The following MKRN1 variants were observed in gnomAD, a reference collection of about 807,000 sequenced individuals.
MKRN1 encodes the protein makorin ring finger protein 1, also known as E3 ubiquitin-protein ligase makorin-1.
Under a neutral mutation model 55.5 loss-of-function variants are expected in MKRN1, and 9 were observed. The observed-to-expected ratio is 0.16, with a 90% CI of 0.10 to 0.28. The LOEUF is 0.28. MKRN1 is among the 10% of genes least tolerant of loss of function. MKRN1 has a pLI of 1.00. For synonymous variants in MKRN1, 253 were observed against 235.9 expected (o/e 1.07, Z -0.66); for missense variants, 488 against 626.7 (o/e 0.78, Z 2.36).
chr7:140,474,008 A>C (rs1475679734), intron 1 of MKRN1, among the ~76,000 whole-genome samples: 6 of 21,956 alleles, frequency 2.7e-4, no homozygotes, highest in African/African-American at 1.9e-3. Context: ...AAAAAAAAAA[A>C]GAAAGAAAGA....
At chr7:140,476,363 T>A (rs1009995630) in intron 1 of MKRN1, among the ~76,000 whole-genome samples, 7 of 150,230 alleles carry the variant, frequency 4.7e-5, no homozygotes, top group African/African-American at 1.7e-4. Flanking sequence ...TCCCACCTAC[T>A]CAGGAGGCTG....
intron 2 of MKRN1, among the ~76,000 whole-genome samples, chr7:140,467,990 G>A (rs751283056): frequency 6.3e-4 from 72 of 114,066 alleles, no homozygotes; most frequent in Middle Eastern, 6.6e-3. Context: ...CAACAAGAGC[G>A]AAATTCTGTC....
Position 140,455,873 on chromosome 7 carries a change from A to G in MKRN1, c.1014T>C (p.Ser338=), listed in dbSNP as rs747126783. 5 of 1,613,998 alleles carry G rather than the reference A, an allele frequency of 3.1e-6. No individual in the cohort carries two copies. Among genetic ancestry groups the G allele is most frequent in the South Asian group, 1.1e-5 (1 of 91,090 alleles). Reference sequence around the variant, plus strand: ...AGTACTCACTTGGAATGACAAAGTTAGATGTGATCCGGCATTCTGGGCAGG... The same window carrying G: ...AGTACTCACTTGGAATGACAAAGTTGGATGTGATCCGGCATTCTGGGCAGG... ...IKSCPECRIT[S]NFVIPSEYWV... is the part of the protein sequence containing the mutation. The change falls in exon 6 of 8, where the codon TCT becomes TCC. Residue 338 remains serine (S), a synonymous_variant. Coordinates refer to ENST00000255977, the MANE Select transcript of MKRN1 (RefSeq NM_013446.4).
chr7:140,461,995 A>C (rs1374581494), intron 2 of MKRN1, among the ~76,000 whole-genome samples: 1 of 152,206 alleles, frequency 6.6e-6, no homozygotes, highest in Admixed American at 6.6e-5. Context: ...AAAGAAAAGA[A>C]AAGACAATTA....
At chr7:140,477,077 A>T (rs1795144099) in intron 1 of MKRN1, among the ~76,000 whole-genome samples, 1 of 149,650 alleles carries the variant, frequency 6.7e-6, no homozygotes, top group African/African-American at 2.5e-5. Flanking sequence ...CAACCTGGGA[A>T]ACAAGAGGGA....
chr7:140,462,547 T>C (rs904589618), intron 2 of MKRN1, among the ~76,000 whole-genome samples: 1 of 152,146 alleles, frequency 6.6e-6, no homozygotes, highest in Non-Finnish European at 1.5e-5. Flanking sequence ...CTTTAATCAT[T>C]GTTATTATTA....
chr7:140,469,733 T>C (rs946894701), intron 2 of MKRN1, among the ~76,000 whole-genome samples: 8 of 151,914 alleles, frequency 5.3e-5, no homozygotes, highest in Admixed American at 1.3e-4. Context: ...GCCAACATAG[T>C]GAAACCCCGT....
chr7:140,470,625 A>C (rs1223435444), intron 2 of MKRN1, among the ~76,000 whole-genome samples: 1 of 150,374 alleles, frequency 6.7e-6, no homozygotes, highest in African/African-American at 2.5e-5. Flanking sequence ...ACAAACAAAA[A>C]ACAATGCTGG....
chr7:140,466,910 G>C (rs1250394154), intron 2 of MKRN1, among the ~76,000 whole-genome samples: 1 of 151,674 alleles, frequency 6.6e-6, no homozygotes, highest in Non-Finnish European at 1.5e-5. Flanking sequence ...TGGGCAAGAG[G>C]GCAAGACCAG....
At chr7:140,461,983 CGAAAG>C (rs377044537) in intron 2 of MKRN1, among the ~76,000 whole-genome samples, 3 of 152,216 alleles carry the variant, frequency 2.0e-5, no homozygotes, top group Admixed American at 6.5e-5. Flanking sequence ...AACTCCATCT[CGAAAG>C]AAAAGAAAAG....
At chr7:140,464,754 CCA>C (rs1491462823) in intron 2 of MKRN1, among the ~76,000 whole-genome samples, 2 of 138,708 alleles carry the variant, frequency 1.4e-5, no homozygotes, top group African/African-American at 6.2e-5. Flanking sequence ...AAGATAATTT[CCA>C]AAAAAAAAAA....
Position 140,455,852 on chromosome 7 carries a change from C to A in MKRN1, c.1035G>T (p.Glu345Asp). ...RITSNFVIPS[E>D]YWVEEKEEKQ... ...TCTCTTCTTTCTCCTCCACCCAGTA[C>A]TCACTTGGAATGACAAAGTTAGATG... Residue 345 changes from glutamate to aspartate, a missense_variant, in exon 6 of 8, where the codon GAG (glutamate) becomes GAT (aspartate). Glu to Asp is a conservative substitution (Grantham distance 45, BLOSUM62 2). Coordinates refer to ENST00000255977, the MANE Select transcript of MKRN1 (RefSeq NM_013446.4). The A allele has an allele frequency of 1.2e-6, 2 of 1,614,158 alleles. No individual in the cohort carries two copies. The highest frequency in any genetic ancestry group is 2.2e-5 in the East Asian group (1 of 44,884).
At chr7:140,469,199 G>A (rs1431006287) in intron 2 of MKRN1, among the ~76,000 whole-genome samples, 7 of 151,890 alleles carry the variant, frequency 4.6e-5, no homozygotes, top group African/African-American at 1.5e-4. Flanking sequence ...GGTGGCGGGC[G>A]CCTGTAGTCC....
chr7:140,459,654 G>A (rs1794560819), intron 3 of MKRN1, 53 bp downstream of exon 3: 1 of 1,534,802 alleles, frequency 6.5e-7, no homozygotes, highest in Non-Finnish European at 9.0e-7. Context: ...TAAGCAAATG[G>A]ATGAACTGCT....
chr7:140,461,442 A>C (rs554912627), intron 2 of MKRN1, among the ~76,000 whole-genome samples: 7 of 152,238 alleles, frequency 4.6e-5, no homozygotes, highest in South Asian at 4.1e-4. Context: ...CAGGAGTGTA[A>C]GACCAGCCTG....
chr7:140,472,108 C>G, intron 1 of MKRN1, 97 bp from the exon 2 acceptor site: 1 of 1,497,164 alleles, frequency 6.7e-7, no homozygotes, highest in Non-Finnish European at 9.1e-7. Flanking sequence ...CCAGTAAATA[C>G]ACAAACATAC....
chr7:140,465,104 G>T (rs1357803793), intron 2 of MKRN1, among the ~76,000 whole-genome samples: 1 of 152,106 alleles, frequency 6.6e-6, no homozygotes, highest in Non-Finnish European at 1.5e-5. Context: ...CCCTTTCCCT[G>T]GTTGGTTTAC....
At chr7:140,455,007 T>TA in intron 7 of MKRN1, 88 bp downstream of exon 7, 4 of 1,541,780 alleles carry the variant, frequency 2.6e-6, no homozygotes. Flanking sequence ...ACCTGAGCGT[T>TA]AACCTTCTCC....
At chr7:140,467,014 G>A (rs552665430) in intron 2 of MKRN1, among the ~76,000 whole-genome samples, 25 of 148,070 alleles carry the variant, frequency 1.7e-4, no homozygotes, top group Non-Finnish European at 3.4e-4. Context: ...TTTCGCTCTT[G>A]TTGCCCAGGC....
Sources: allele counts gnomAD v4.1 joint callset (sites outside exome capture counted in the v4.1 genomes callset), GRCh38; gene constraint gnomAD v4.1.1; transcripts MANE v1.5; gene names NCBI Gene and HGNC (gene_info 2026-07-23, HGNC 2026-07-21).